The following PCDHGB6 variants were observed in gnomAD, a reference collection of about 807,000 sequenced individuals.
The protein encoded by PCDHGB6 is protocadherin gamma-B6.
In PCDHGB6, 51 loss-of-function variants were observed where a neutral mutation model predicts 59.1. The observed-to-expected ratio is 0.86, with a 90% CI of 0.69 to 1.09. The LOEUF is 1.09. Among genes scored for constraint, PCDHGB6 ranks in the 50% least tolerant of loss-of-function variants. PCDHGB6 has a pLI of 0.00. For missense variants in PCDHGB6, 1,148 were observed against 1,205.1 expected, an observed-to-expected ratio of 0.95 and a Z score of 0.70; for synonymous variants, 466 against 495.1, an observed-to-expected ratio of 0.94 and a Z score of 0.78.
intron 1 of PCDHGB6, among the ~76,000 whole-genome samples, chr5:141,435,105 G>C (rs1046201852): frequency 2.6e-5 from 4 of 151,940 alleles, no homozygotes; most frequent in African/African-American, 9.7e-5. Flanking sequence ...TATCTAGGGG[G>C]GAGAAATCTA....
intron 3 of PCDHGB6, chr5:141,508,363 A>G (rs996562348): frequency 1.3e-5 from 2 of 152,230 alleles, no homozygotes; most frequent in Non-Finnish European, 2.9e-5. Flanking sequence ...TGGCAATCCA[A>G]CTTCTTCCCC....
intron 1 of PCDHGB6, among the ~76,000 whole-genome samples, chr5:141,455,803 A>C (rs1197986124): frequency 2.6e-5 from 4 of 152,068 alleles, no homozygotes; most frequent in Non-Finnish European, 4.4e-5. Flanking sequence ...TGCTTTAAAA[A>C]ATGAAAACTT....
chr5:141,476,238 G>C lies in PCDHGB6; in HGVS notation c.2419-18569G>C, dbSNP rs764976894. ...ATTCACTATGAGATCCCGGAGGAAA[G>C]AGAGAAGGGTTTCGCTGTGGGCAAC... On this transcript the variant is annotated intron_variant, in intron 1 of 3. Coordinates refer to ENST00000520790, the MANE Select transcript of PCDHGB6 (RefSeq NM_018926.3). The surrounding 1 kb of genome is among the most constrained non-coding windows in gnomAD (Gnocchi z 7.6). 1 of 1,614,098 alleles carries C rather than the reference G, an allele frequency of 6.2e-7. No individual in the cohort carries two copies.
At chr5:141,433,349 T>C in intron 1 of PCDHGB6, 1 of 616,610 alleles carries the variant, frequency 1.6e-6, no homozygotes, top group East Asian at 2.8e-5. Flanking sequence ...GCAAGCCACC[T>C]ACTGTCTGCC....
At chr5:141,462,035 C>T (rs35674654) in intron 1 of PCDHGB6, among the ~76,000 whole-genome samples, 14,886 of 152,176 alleles carry the variant, frequency 0.098, 964 homozygotes, top group Non-Finnish European at 0.14. Context: ...GTTGGTCAGG[C>T]GGGTCTTGAA....
chr5:141,436,383 G>A (rs1374382672), intron 1 of PCDHGB6, among the ~76,000 whole-genome samples: 1 of 152,104 alleles, frequency 6.6e-6, no homozygotes, highest in Admixed American at 6.5e-5. Flanking sequence ...AGCTGAATAG[G>A]CTTTATTAAA....
chr5:141,488,170 T>C (rs554585709), intron 1 of PCDHGB6, among the ~76,000 whole-genome samples: 2 of 152,318 alleles, frequency 1.3e-5, no homozygotes, highest in African/African-American at 2.4e-5. Context: ...ATCAGAGTGG[T>C]GGCATAGATC....
At chr5:141,441,655 C>A in intron 1 of PCDHGB6, 1 of 247,430 alleles carries the variant, frequency 4.0e-6, no homozygotes. Context: ...TTCTAGGTGT[C>A]CTTGAGCGCA....
At chr5:141,483,812 A>C (rs1188806533) in intron 1 of PCDHGB6, among the ~76,000 whole-genome samples, 2 of 152,162 alleles carry the variant, frequency 1.3e-5, no homozygotes, top group Non-Finnish European at 2.9e-5. Context: ...TTTTTTTGGC[A>C]GCCAGTGTAA....
At position 141,432,902 on chromosome 5, in the gene PCDHGB6, A is replaced by C. The variant is rs992417865; in HGVS notation, c.2418+22282A>C. The C allele has an allele frequency of 1.2e-6, 2 of 1,614,028 alleles. No homozygotes were observed. The highest frequency in any genetic ancestry group is 2.7e-5 in the African/African-American group (2 of 74,924). On this transcript the variant is annotated intron_variant, in intron 1 of 3. Coordinates refer to ENST00000520790, the MANE Select transcript of PCDHGB6 (RefSeq NM_018926.3). The surrounding 1 kb of genome is among the most constrained non-coding windows in gnomAD (Gnocchi z 6.0). ...CTTCGTCATCTTGCTGCTGGCGCTCAGGCTGCGGCGCTGGCACAAGTCACG... is the reference window on the plus strand; with the variant it reads ...CTTCGTCATCTTGCTGCTGGCGCTCCGGCTGCGGCGCTGGCACAAGTCACG...
Position 141,490,672 on chromosome 5 carries a change from G to A in PCDHGB6, c.2419-4135G>A. ...GGGCTCCCTTCTTTGCACTGTGGCT[G>A]CCTCAGATCCAGACACTGGGGATAA... is the stretch of plus-strand genomic sequence containing the variant. On this transcript the variant is annotated intron_variant, in intron 1 of 3. Transcript: ENST00000520790. This position sits in a 1 kb window ranked among gnomAD's most constrained non-coding sequence, Gnocchi z 5.4. 1.2e-6 allele frequency: 2 copies of A among 1,614,114 alleles called. No homozygotes were observed. Among genetic ancestry groups the A allele is most frequent in the Non-Finnish European group, 1.7e-6 (2 of 1,179,996 alleles).
At chr5:141,509,692 C>T (rs755446680) in intron 3 of PCDHGB6, among the ~76,000 whole-genome samples, 8 of 152,126 alleles carry the variant, frequency 5.3e-5, no homozygotes, top group Non-Finnish European at 1.0e-4. Context: ...TACAGTGGGA[C>T]GTTGGACTGG....
intron 1 of PCDHGB6, among the ~76,000 whole-genome samples, chr5:141,436,594 G>T (rs79477223): frequency 0.052 from 7,980 of 152,210 alleles, 223 homozygotes; most frequent in South Asian, 0.079. Flanking sequence ...AAAGGTCGTG[G>T]TGATGGCTAG....
chr5:141,494,491 T>C (rs2099754727), intron 1 of PCDHGB6, among the ~76,000 whole-genome samples: 1 of 152,150 alleles, frequency 6.6e-6, no homozygotes, highest in Admixed American at 6.5e-5. Context: ...AGAAGATGCC[T>C]TCAGTCCTTG....
rs774983500 is a variant in PCDHGB6 at position 141,490,973 on chromosome 5, G to T, written c.2419-3834G>T. ...GACTGGGAACACTCAGCCCCCCAGC[G>T]TCTCCCTCGCTCTGCTCCTCCTGGC... On this transcript the variant is annotated intron_variant, in intron 1 of 3. Transcript: ENST00000520790. The surrounding 1 kb of genome is among the most constrained non-coding windows in gnomAD (Gnocchi z 5.4). 1 of 1,613,932 alleles carries T rather than the reference G, an allele frequency of 6.2e-7. No individual in the cohort carries two copies. The highest frequency in any genetic ancestry group is 1.3e-5 in the African/African-American group (1 of 75,040).
At position 141,431,808 on chromosome 5, in the gene PCDHGB6, C is replaced by A. The variant is rs2097419249; in HGVS notation, c.2418+21188C>A. Reference sequence around the variant, plus strand: ...GACAATGCCCCAGAAGTGGTCCTCACCTCTCTCGCCAGCTCGGTTCCCGAA... The same window carrying A: ...GACAATGCCCCAGAAGTGGTCCTCAACTCTCTCGCCAGCTCGGTTCCCGAA... On this transcript the variant is annotated intron_variant, in intron 1 of 3. Transcript: ENST00000520790. The surrounding 1 kb of genome is among the most constrained non-coding windows in gnomAD (Gnocchi z 4.8). The A allele has an allele frequency of 6.2e-7, 1 of 1,614,236 alleles. No individual in the cohort carries two copies. Among genetic ancestry groups the A allele is most frequent in the Non-Finnish European group, 8.5e-7 (1 of 1,180,040 alleles).
chr5:141,453,032 G>A (rs2098754281), intron 1 of PCDHGB6, among the ~76,000 whole-genome samples: 1 of 152,132 alleles, frequency 6.6e-6, no homozygotes, highest in Admixed American at 6.5e-5. Flanking sequence ...TTAAAATAAA[G>A]TTTGTTTCTA....
rs1053132512 is a variant in PCDHGB6 at position 141,409,714 on chromosome 5, C to A, written c.1512C>A (p.Tyr504Ter). The A allele has an allele frequency of 3.7e-6, 6 of 1,613,108 alleles. No individual in the cohort carries two copies. The African/African-American group carries it at 8.0e-5, about 22-fold the overall frequency. The change falls in exon 1 of 4, where the codon TAC becomes TAA. Residue 504 changes from tyrosine to a stop codon, truncating the protein, a stop_gained. Transcript: ENST00000520790. LOFTEE classifies it high-confidence loss of function. ...TAGAGCCCCTGGCGGTGTCGTCATACGTGTCAGTGAGCGCGCAGAGCGGGG... is the reference window on the plus strand; with the variant it reads ...TAGAGCCCCTGGCGGTGTCGTCATAAGTGTCAGTGAGCGCGCAGAGCGGGG... ...SDLEPLAVSS[Y>*]VSVSAQSGVV...
rs1417754081 is a variant in PCDHGB6, at chr5:141,512,046, T to C, written c.*873T>C. 1 of 152,746 alleles carries C rather than the reference T, an allele frequency of 6.5e-6. No individual in the cohort carries two copies. Among genetic ancestry groups the C allele is most frequent in the East Asian group, 1.9e-4 (1 of 5,190 alleles). 9.5% of individuals were successfully genotyped at this position (152,746 alleles called of 1,614,324 possible). Reference sequence around the variant, plus strand: ...GCCTTGGAGGAGGCTCTGTATGTCCTCAGGGGACTGACAACATCCTCCAGA... The same window carrying C: ...GCCTTGGAGGAGGCTCTGTATGTCCCCAGGGGACTGACAACATCCTCCAGA... On this transcript the variant is annotated 3_prime_UTR_variant, in exon 4 of 4. Transcript: ENST00000520790.
Sources: allele counts gnomAD v4.1 joint callset (sites outside exome capture counted in the v4.1 genomes callset), GRCh38; gene constraint gnomAD v4.1.1; non-coding constraint Gnocchi (gnomAD v3.1); transcripts MANE v1.5; gene names NCBI Gene and HGNC (gene_info 2026-07-23, HGNC 2026-07-21).